The following LOXL2 variants were observed in gnomAD, a reference collection of about 807,000 sequenced individuals.
LOXL2 encodes the protein lysyl oxidase like 2.
LOXL2 carries 70 observed loss-of-function variants against 93.0 expected under a neutral mutation model. The observed-to-expected ratio is 0.75, with a 90% confidence interval of 0.62 to 0.92. LOXL2 has a LOEUF of 0.92. Ranked by LOEUF, LOXL2 falls within the 40% of genes least tolerant of loss-of-function variation. The pLI is 0.00. For missense variants in LOXL2, 973 were observed against 1,054.9 expected (o/e 0.92, Z 1.08); for synonymous variants, 438 against 413.2 (o/e 1.06, Z -0.73).
intron 12 of LOXL2, among the ~76,000 whole-genome samples, chr8:23,301,542 G>A (rs2117137887): frequency 6.6e-6 from 1 of 152,304 alleles, no homozygotes; most frequent in East Asian, 1.9e-4. Flanking sequence ...CCTCCTCTAT[G>A]AGGCAGATAT....
intron 8 of LOXL2, among the ~76,000 whole-genome samples, 183 bp from the exon 9 acceptor site, chr8:23,317,297 C>T (rs1352798825): frequency 6.6e-6 from 1 of 152,194 alleles, no homozygotes; most frequent in Non-Finnish European, 1.5e-5. Flanking sequence ...GAGTGGGAAT[C>T]CAGGTCTCCT....
chr8:23,363,937 C>G, intron 2 of LOXL2: 2 of 152,330 alleles, frequency 1.3e-5, no homozygotes, highest in Non-Finnish European at 2.9e-5. Context: ...TGCAGTGGTG[C>G]AATCATAGCT....
intron 13 of LOXL2, 108 bp downstream of exon 13, chr8:23,298,724 TGCTG>T: frequency 1.5e-6 from 1 of 668,178 alleles, no homozygotes; most frequent in Non-Finnish European, 2.7e-6. Context: ...GGAAATGTGA[TGCTG>T]GCTGCATTCC....
At chr8:23,337,351 A>G (rs1803810650) in intron 4 of LOXL2, 1 of 152,218 alleles carries the variant, frequency 6.6e-6, no homozygotes, top group African/African-American at 2.4e-5. Context: ...AAGAGTGATC[A>G]CAGCTCCTCA....
intron 8 of LOXL2, among the ~76,000 whole-genome samples, chr8:23,318,173 G>A (rs28382277): frequency 0.22 from 20,166 of 91,264 alleles, 2,248 homozygotes; most frequent in African/African-American, 0.34. Flanking sequence ...ATCTTAAGGG[G>A]TAAAAAAAAA....
Position 23,393,060 on chromosome 8 carries a change from C to T in LOXL2, c.-84+10894G>A, listed in dbSNP as rs146984941. On this transcript the variant is annotated intron_variant, in intron 1 of 13. Transcript: ENST00000389131. Reference sequence around the variant, plus strand: ...AAACATTGTTAAAAGAAATTAAAGACGATCTAAATAAATGGGAAAACATCC... The same window carrying T: ...AAACATTGTTAAAAGAAATTAAAGATGATCTAAATAAATGGGAAAACATCC... Among the ~76,000 whole-genome samples, 911 of 152,194 alleles carry T rather than the reference C, an allele frequency of 6.0e-3. 6 individuals are homozygous for T. The highest frequency in any genetic ancestry group is 8.1e-3 in the Non-Finnish European group (551 of 68,024).
intron 3 of LOXL2, among the ~76,000 whole-genome samples, chr8:23,346,100 A>ATTAAAT (rs1563197353): frequency 3.3e-4 from 26 of 79,880 alleles, no homozygotes; most frequent in Non-Finnish European, 4.9e-4. Context: ...ATAAAATAAA[A>ATTAAAT]TAAAATAAAA....
intron 1 of LOXL2, among the ~76,000 whole-genome samples, chr8:23,397,562 A>G (rs1017886396): frequency 6.6e-6 from 1 of 152,008 alleles, no homozygotes; most frequent in Non-Finnish European, 1.5e-5. Flanking sequence ...GTGGATCACG[A>G]GGTCAGGAGA....
At chr8:23,366,410 G>C (rs1200217355) in intron 2 of LOXL2, among the ~76,000 whole-genome samples, 1 of 152,240 alleles carries the variant, frequency 6.6e-6, no homozygotes, top group Non-Finnish European at 1.5e-5. Context: ...ATTGCATGGA[G>C]GTGAGATGTG....
At chr8:23,309,962 C>T (rs777882518) in intron 9 of LOXL2, 51 bp from the exon 10 acceptor site, 1 of 1,405,152 alleles carries the variant, frequency 7.1e-7, no homozygotes, top group South Asian at 1.7e-5. Flanking sequence ...CTCCCCAGGG[C>T]TTCTACTTCT....
intron 1 of LOXL2, among the ~76,000 whole-genome samples, chr8:23,372,281 G>A (rs572969452): frequency 8.7e-4 from 131 of 151,070 alleles, no homozygotes; most frequent in Non-Finnish European, 1.5e-3. Context: ...GCAGTGGCGC[G>A]ATCTCAGCTC....
At chr8:23,379,431 C>T (rs1804642762) in intron 1 of LOXL2, among the ~76,000 whole-genome samples, 1 of 152,218 alleles carries the variant, frequency 6.6e-6, no homozygotes, top group Non-Finnish European at 1.5e-5. Context: ...TCTCAAACTC[C>T]ATGCTGGGAG....
At chr8:23,313,417 C>CA (rs1803346938) in intron 9 of LOXL2, among the ~76,000 whole-genome samples, 1 of 151,976 alleles carries the variant, frequency 6.6e-6, no homozygotes, top group African/African-American at 2.4e-5. Flanking sequence ...CTACAGTAAC[C>CA]AAAACAGCAT....
chr8:23,397,577 G>C (rs1800106064), intron 1 of LOXL2, among the ~76,000 whole-genome samples: 1 of 152,050 alleles, frequency 6.6e-6, no homozygotes, highest in East Asian at 1.9e-4. Context: ...AGGAGATCGA[G>C]ACCATCCTGG....
At chr8:23,379,024 T>G (rs1292264933) in intron 1 of LOXL2, among the ~76,000 whole-genome samples, 1 of 152,210 alleles carries the variant, frequency 6.6e-6, no homozygotes, top group Non-Finnish European at 1.5e-5. Context: ...TTTTTAGAAT[T>G]TTCAGCTTTT....
intron 1 of LOXL2, chr8:23,402,692 A>AGG (rs1010267120): frequency 3.3e-5 from 5 of 151,560 alleles, no homozygotes; most frequent in African/African-American, 1.2e-4. Context: ...GGTGTAGGGG[A>AGG]GGGGCCTGGA....
At chr8:23,312,106 C>A (rs1803327579) in intron 9 of LOXL2, among the ~76,000 whole-genome samples, 1 of 152,170 alleles carries the variant, frequency 6.6e-6, no homozygotes, top group Admixed American at 6.6e-5. Context: ...CAAGAAGAAG[C>A]TGAATCTCTG....
At chr8:23,346,677 G>C (rs1383407082) in intron 3 of LOXL2, among the ~76,000 whole-genome samples, 1 of 152,198 alleles carries the variant, frequency 6.6e-6, no homozygotes, top group Non-Finnish European at 1.5e-5. Context: ...AAGGTACAAG[G>C]AGAAGCAAGT....
At chr8:23,308,939 T>C (rs546331240) in intron 10 of LOXL2, among the ~76,000 whole-genome samples, 1 of 151,784 alleles carries the variant, frequency 6.6e-6, no homozygotes, top group Non-Finnish European at 1.5e-5. Context: ...ATTGTCTTCC[T>C]AGAGGTATTT....
Sources: gnomAD v4.1 joint callset for allele counts (sites outside exome capture counted in the v4.1 genomes callset) on GRCh38, gnomAD v4.1.1 for gene constraint, MANE v1.5 for transcripts, NCBI Gene and HGNC (gene_info 2026-07-23, HGNC 2026-07-21) for gene names.